The following FYN variants were observed in gnomAD, a reference collection of about 807,000 sequenced individuals.
FYN encodes the protein tyrosine-protein kinase Fyn.
A neutral mutation model predicts 70.2 loss-of-function variants in FYN; 10 were observed. The observed-to-expected ratio is 0.14, with a 90% CI of 0.09 to 0.24. FYN has a LOEUF of 0.24. Among genes scored for constraint, FYN ranks in the 10% least tolerant of loss-of-function variants. The pLI, the probability that FYN is intolerant of heterozygous loss-of-function variation, is 1.00. For synonymous variants in FYN, 236 were observed against 248.6 expected, an observed-to-expected ratio of 0.95 and a Z score of 0.48; for missense variants, 319 against 673.1, an observed-to-expected ratio of 0.47 and a Z score of 5.82.
At chr6:111,799,838 TG>T (rs1771927557) in intron 2 of FYN, among the ~76,000 whole-genome samples, 1 of 152,146 alleles carries the variant, frequency 6.6e-6, no homozygotes, top group Non-Finnish European at 1.5e-5. Flanking sequence ...CCTTGTTATG[TG>T]GGAGTCCCGC....
intron 2 of FYN, among the ~76,000 whole-genome samples, chr6:111,826,354 A>G (rs1772834474): frequency 6.6e-6 from 1 of 152,000 alleles, no homozygotes; most frequent in East Asian, 1.9e-4. Flanking sequence ...GCACTTCTAT[A>G]TATGTGTATA....
At chr6:111,688,566 A>T (rs1799141602) in intron 12 of FYN, among the ~76,000 whole-genome samples, 1 of 152,174 alleles carries the variant, frequency 6.6e-6, no homozygotes, top group Non-Finnish European at 1.5e-5. Context: ...ACTTCTATAG[A>T]GAAGCAGTAA....
intron 1 of FYN, among the ~76,000 whole-genome samples, chr6:111,866,633 T>C (rs1774116342): frequency 6.6e-6 from 1 of 152,172 alleles, no homozygotes; most frequent in African/African-American, 2.4e-5. Context: ...TGAGCCCCCG[T>C]GCCCGGCCCC....
chr6:111,702,117 A>G (rs1799868205), intron 8 of FYN, among the ~76,000 whole-genome samples: 2 of 152,224 alleles, frequency 1.3e-5, no homozygotes, highest in African/African-American at 4.8e-5. Context: ...GTGTCTATAC[A>G]TGTGCACCTA....
intron 3 of FYN, among the ~76,000 whole-genome samples, chr6:111,758,620 C>T (rs1438067397): frequency 1.3e-5 from 2 of 152,246 alleles, no homozygotes; most frequent in Non-Finnish European, 2.9e-5. Flanking sequence ...ACGACCTTTT[C>T]TCCTGAACTC....
intron 3 of FYN, among the ~76,000 whole-genome samples, chr6:111,778,594 C>A (rs9487714): frequency 0.59 from 88,344 of 149,324 alleles, 27,362 homozygotes; most frequent in East Asian, 0.86. Flanking sequence ...TTTTAGATGG[C>A]GTCTCGCTGT....
At chr6:111,822,735 C>T (rs1258943997) in intron 2 of FYN, among the ~76,000 whole-genome samples, 1 of 151,586 alleles carries the variant, frequency 6.6e-6, no homozygotes, top group Non-Finnish European at 1.5e-5. Context: ...GAGGTAGAGG[C>T]TGCAAAGCAG....
intron 3 of FYN, among the ~76,000 whole-genome samples, chr6:111,772,200 T>A (rs1803478776): frequency 6.6e-6 from 1 of 151,830 alleles, no homozygotes; most frequent in Non-Finnish European, 1.5e-5. Flanking sequence ...GAAAAAAAAA[T>A]GTTTAGCCTA....
Position 111,780,590 on chromosome 6 carries a change from A to T in FYN, c.-36T>A, listed in dbSNP as rs968809171. ...CCAAAATGTCCGCCAACGATCACAA[A>T]CTTTATATACACCACATGTCTTCTA... is the stretch of plus-strand genomic sequence containing the variant. On this transcript the variant is annotated 5_prime_UTR_variant, in exon 3 of 14. Coordinates refer to ENST00000354650, the MANE Select transcript of FYN (RefSeq NM_002037.5). The T allele has an allele frequency of 1.3e-5, 2 of 152,628 alleles. No individual in the cohort carries two copies. Among genetic ancestry groups the T allele is most frequent in the African/African-American group, 4.8e-5 (2 of 41,454 alleles). The allele number at this position is 152,628 out of a possible 1,614,324, so 9.5% of individuals were successfully genotyped here.
intron 1 of FYN, among the ~76,000 whole-genome samples, chr6:111,858,836 G>C (rs1401307664): frequency 4.9e-5 from 7 of 142,254 alleles, no homozygotes; most frequent in African/African-American, 1.9e-4. Flanking sequence ...CACTTACCTA[G>C]GATTTAAAAA....
chr6:111,729,505 T>C (rs1048308788), intron 3 of FYN, among the ~76,000 whole-genome samples: 15 of 150,752 alleles, frequency 1.0e-4, no homozygotes, highest in Admixed American at 6.6e-4. Flanking sequence ...GGGGGTGGCA[T>C]GTCCTTTAAC....
At chr6:111,827,519 GC>G (rs935465560) in intron 2 of FYN, among the ~76,000 whole-genome samples, 6 of 152,146 alleles carry the variant, frequency 3.9e-5, no homozygotes, top group African/African-American at 7.2e-5. Flanking sequence ...ATCATGTAAT[GC>G]CCCCTTTTGG....
chr6:111,854,490 C>T (rs958429633), intron 1 of FYN, among the ~76,000 whole-genome samples: 1 of 152,196 alleles, frequency 6.6e-6, no homozygotes, highest in Non-Finnish European at 1.5e-5. Context: ...ACCTGTGTTG[C>T]AGCCTGAGAT....
chr6:111,669,296 G>A lies in FYN; in HGVS notation c.1405+5203C>T, dbSNP rs531429556. On this transcript the variant is annotated intron_variant, in intron 13 of 13. Coordinates refer to ENST00000354650, the MANE Select transcript of FYN (RefSeq NM_002037.5). ...CTAAAAATGCAAAAATTAGCCGGGCGTGGTGGCGGGTGCCTGTAATCCCAG... is the reference window on the plus strand; with the variant it reads ...CTAAAAATGCAAAAATTAGCCGGGCATGGTGGCGGGTGCCTGTAATCCCAG... Among the ~76,000 whole-genome samples, 5 of 152,092 alleles carry A rather than the reference G, an allele frequency of 3.3e-5. No individual in the cohort carries two copies. In the East Asian group the frequency reaches 7.8e-4, roughly 24 times the overall value.
Position 111,661,503 on chromosome 6 carries a change from C to T in FYN, c.*236G>A. On this transcript the variant is annotated 3_prime_UTR_variant, in exon 14 of 14. Transcript: ENST00000354650. This position sits in a 1 kb window ranked among gnomAD's most constrained non-coding sequence, Gnocchi z 4.0. ...CCTTTTACATAACATCGATACAATG[C>T]ATTTTCCAAAGTCTGAGAAATAACA... is the stretch of plus-strand genomic sequence containing the variant. 1 of 509,616 alleles carries T rather than the reference C, an allele frequency of 2.0e-6. No individual in the cohort carries two copies. The highest frequency in any genetic ancestry group is 1.9e-5 in the African/African-American group (1 of 52,608). 31.6% of individuals were successfully genotyped at this position (509,616 alleles called of 1,614,324 possible). A position where few individuals can be genotyped will look rare whatever the true frequency, so the allele number is the denominator to read the frequency against.
At chr6:111,861,202 C>G (rs1317873927) in intron 1 of FYN, among the ~76,000 whole-genome samples, 1 of 152,190 alleles carries the variant, frequency 6.6e-6, no homozygotes, top group Non-Finnish European at 1.5e-5. Context: ...TTAATAAATG[C>G]ACAGTGTAGT....
rs188130866 is a variant in FYN, at chr6:111,828,356, T to A, written c.-82+18233A>T. Among the ~76,000 whole-genome samples the A allele has an allele frequency of 3.9e-5, 6 of 152,314 alleles. No individual in the cohort carries two copies. In the East Asian group the frequency reaches 9.6e-4, roughly 24 times the overall value. The stretch of plus-strand genomic sequence containing the variant: ...AAATATGTTAAACAACAGTAGTTCC[T>A]TAAAAAATTAAAAATAAAATTACCA... On this transcript the variant is annotated intron_variant, in intron 2 of 13. Transcript: ENST00000354650.
chr6:111,868,089 T>A (rs1384192339), intron 1 of FYN, among the ~76,000 whole-genome samples: 2 of 151,746 alleles, frequency 1.3e-5, no homozygotes, highest in Non-Finnish European at 2.9e-5. Context: ...AGACCCCTCC[T>A]CTTCCAGCCT....
intron 4 of FYN, among the ~76,000 whole-genome samples, chr6:111,718,852 G>C (rs1800794147): frequency 6.6e-6 from 1 of 152,182 alleles, no homozygotes; most frequent in South Asian, 2.1e-4. Flanking sequence ...AAGAGAAGTA[G>C]ATAATGTCCA....
Sources: gnomAD v4.1 joint callset for allele counts (sites outside exome capture counted in the v4.1 genomes callset) on GRCh38, gnomAD v4.1.1 for gene constraint, Gnocchi (gnomAD v3.1) non-coding constraint, MANE v1.5 for transcripts, NCBI Gene and HGNC (gene_info 2026-07-23, HGNC 2026-07-21) for gene names.